RASA3: variants seen among roughly 807,000 people sequenced by gnomAD.
RASA3 encodes the protein ras GTPase-activating protein 3.
In RASA3, 73 loss-of-function variants were observed where a neutral mutation model predicts 110.0. The observed-to-expected ratio is 0.66, with a 90% CI of 0.55 to 0.81. The LOEUF (loss-of-function observed/expected upper bound fraction) is 0.81, where lower values mean the gene tolerates loss of function less well. RASA3 is among the 30% of genes least tolerant of loss of function. RASA3 has a pLI of 0.00. For missense variants in RASA3, 976 were observed against 1,113.2 expected, an observed-to-expected ratio of 0.88 and a Z score of 1.75; for synonymous variants, 500 against 451.4, an observed-to-expected ratio of 1.11 and a Z score of -1.37.
Position 114,057,150 on chromosome 13 carries a change from A to G in RASA3, c.174-4995T>C. ...TTGCATGTCTGATGTCGTTTATTCT[A>G]GTGGTTCCAATTGCCTATTTTAATG... On this transcript the variant is annotated intron_variant, in intron 2 of 23. Coordinates refer to ENST00000334062, the MANE Select transcript of RASA3 (RefSeq NM_007368.4). This position sits in a 1 kb window ranked among gnomAD's most constrained non-coding sequence, Gnocchi z 5.0. 1.1e-6 allele frequency: 1 copy of G among 940,236 alleles called. No homozygotes were observed. The highest frequency in any genetic ancestry group is 1.3e-6 in the Non-Finnish European group (1 of 788,814). The allele number at this position is 940,236 out of a possible 1,614,324, so 58.2% of individuals were successfully genotyped here. A position where few individuals can be genotyped will look rare whatever the true frequency, so the allele number is the denominator to read the frequency against.
intron 4 of RASA3, among the ~76,000 whole-genome samples, chr13:114,039,637 T>C (rs556218629): frequency 6.6e-6 from 1 of 152,322 alleles, no homozygotes; most frequent in South Asian, 2.1e-4. Context: ...GGGCTCAGGG[T>C]GACCCCACAG....
chr13:114,000,496 C>G (rs1022144015), intron 19 of RASA3, among the ~76,000 whole-genome samples: 1 of 152,184 alleles, frequency 6.6e-6, no homozygotes, highest in Non-Finnish European at 1.5e-5. Context: ...CCCCGTCTAC[C>G]TCGGCGGAGC....
At chr13:114,119,544 C>A (rs1263078024) in intron 1 of RASA3, among the ~76,000 whole-genome samples, 1 of 120,016 alleles carries the variant, frequency 8.3e-6, no homozygotes. Context: ...AGCCAGGCGT[C>A]GATCAGGGCC....
At chr13:114,095,789 G>A (rs186634547) in intron 1 of RASA3, among the ~76,000 whole-genome samples, 2 of 152,182 alleles carry the variant, frequency 1.3e-5, no homozygotes, top group Non-Finnish European at 2.9e-5. Context: ...TCTGTAAGCT[G>A]AGTGGCTGGG....
intron 1 of RASA3, among the ~76,000 whole-genome samples, chr13:114,090,946 G>GT (rs1480894997): frequency 2.0e-5 from 3 of 152,144 alleles, no homozygotes; most frequent in African/African-American, 7.2e-5. Context: ...ATATATGTAT[G>GT]TTTTTTGGTG....
chr13:114,025,577 G>A (rs2054011189), intron 7 of RASA3, among the ~76,000 whole-genome samples: 2 of 152,248 alleles, frequency 1.3e-5, no homozygotes, highest in African/African-American at 4.8e-5. Flanking sequence ...GGCCTGGTGT[G>A]GTGGCCTTGG....
chr13:114,038,956 G>T (rs924501374), intron 4 of RASA3, among the ~76,000 whole-genome samples: 5 of 152,328 alleles, frequency 3.3e-5, no homozygotes, highest in African/African-American at 9.6e-5. Context: ...CCAGCCTCCA[G>T]GTGTAAAAAT....
chr13:113,981,622 ATCTC>A, intron 23 of RASA3, 49 bp downstream of exon 23: 1 of 1,577,494 alleles, frequency 6.3e-7, no homozygotes, highest in Non-Finnish European at 8.7e-7. Context: ...CCCCACTGCA[ATCTC>A]CCGCCCACTA....
rs1452773154 is a variant in RASA3, at chr13:114,018,129, C to T, written c.1066G>A (p.Ala356Thr). The change falls in exon 11 of 24, where the codon GCC (alanine) becomes ACC (threonine). Residue 356 changes from alanine (A) to threonine (T), a missense_variant. By Grantham distance (58) the Ala-to-Thr change is moderately conservative. Around this residue, in one of 4 missense-constraint regions of RASA3, gnomAD observed 732 missense variants for 779.7 expected, o/e 0.94. Transcript: ENST00000334062. ...GRVVPFISAI[A>T]SAEVKRTQDP... is the part of the protein sequence containing the mutation. ...TGGGTCCGCTTCACCTCCGCGCTGGCGATGGCACTGATGAATGGCACCACC... is the reference window on the plus strand; with the variant it reads ...TGGGTCCGCTTCACCTCCGCGCTGGTGATGGCACTGATGAATGGCACCACC... 3 of 1,549,246 alleles carry T rather than the reference C, an allele frequency of 1.9e-6. No individual in the cohort carries two copies. The highest frequency in any genetic ancestry group is 2.0e-5 in the Admixed American group (1 of 50,914).
chr13:114,088,835 C>A (rs1258953281), intron 1 of RASA3, among the ~76,000 whole-genome samples: 2 of 152,220 alleles, frequency 1.3e-5, no homozygotes, highest in Admixed American at 6.5e-5. Context: ...CAGGCGTGAG[C>A]CACTGTGCCT....
rs766629545 is a variant in RASA3, at chr13:114,015,366, G to A, written c.1282-34C>T. ...GGACACGGCACTGGGACCCACTCCC[G>A]AGGCTGCCCACAGGTGCGTGTAGCA... is the stretch of plus-strand genomic sequence containing the variant. On this transcript the variant is annotated intron_variant, in intron 13 of 23. Coordinates refer to ENST00000334062, the MANE Select transcript of RASA3 (RefSeq NM_007368.4). 25 of 1,609,404 alleles carry A rather than the reference G, an allele frequency of 1.6e-5. No individual in the cohort carries two copies. The Admixed American group carries it at 3.2e-4, about 20-fold the overall frequency.
rs1566530170 is a variant in RASA3, at chr13:114,052,165, C to G, written c.174-10G>C. 6.3e-7 allele frequency: 1 copy of G among 1,589,832 alleles called. No individual in the cohort carries two copies. The highest frequency in any genetic ancestry group is 8.6e-7 in the Non-Finnish European group (1 of 1,159,786). On this transcript the variant is annotated splice_polypyrimidine_tract_variant and intron_variant, in intron 2 of 23. Transcript: ENST00000334062. Reference sequence around the variant, plus strand: ...TTCTCCGTAAAACGGGCTAGTGAGACAAAGAAAAGCGCCAGTTAGAACACA... The same window carrying G: ...TTCTCCGTAAAACGGGCTAGTGAGAGAAAGAAAAGCGCCAGTTAGAACACA...
At chr13:114,055,039 T>A (rs1029108108) in intron 2 of RASA3, among the ~76,000 whole-genome samples, 1 of 151,916 alleles carries the variant, frequency 6.6e-6, no homozygotes, top group African/African-American at 2.4e-5. Flanking sequence ...TGTGGGTGTG[T>A]GCATGCATGT....
At chr13:114,003,124 G>A (rs2053440986) in intron 18 of RASA3, among the ~76,000 whole-genome samples, 1 of 152,232 alleles carries the variant, frequency 6.6e-6, no homozygotes, top group African/African-American at 2.4e-5. Flanking sequence ...GCCCATGCTT[G>A]CACAACCGAG....
intron 1 of RASA3, among the ~76,000 whole-genome samples, chr13:114,116,428 G>A (rs928132940): frequency 1.3e-5 from 2 of 151,948 alleles, no homozygotes; most frequent in East Asian, 3.8e-4. Flanking sequence ...AGGACAGACC[G>A]CTGTTCCAAG....
At chr13:114,040,589 C>T (rs568098813) in intron 4 of RASA3, among the ~76,000 whole-genome samples, 8 of 135,510 alleles carry the variant, frequency 5.9e-5, no homozygotes, top group South Asian at 2.4e-4. Flanking sequence ...AAATCCATGG[C>T]GGAGCCCGCG....
chr13:114,079,341 C>G (rs1159627111), intron 1 of RASA3, among the ~76,000 whole-genome samples: 1 of 152,208 alleles, frequency 6.6e-6, no homozygotes, highest in Non-Finnish European at 1.5e-5. Context: ...CGAAAGCAAC[C>G]CCGTCCCAGC....
chr13:114,066,783 C>T (rs759950952), intron 2 of RASA3, among the ~76,000 whole-genome samples: 15 of 152,224 alleles, frequency 9.9e-5, no homozygotes, highest in African/African-American at 1.7e-4. Flanking sequence ...GATGCTGGGC[C>T]GGGCTTGGGG....
intron 18 of RASA3, among the ~76,000 whole-genome samples, chr13:114,003,347 C>T (rs898284048): frequency 1.3e-5 from 2 of 152,180 alleles, no homozygotes; most frequent in African/African-American, 2.4e-5. Flanking sequence ...TGGGAGGCGC[C>T]TGTCCTTGAA....
Sources: allele counts gnomAD v4.1 joint callset (sites outside exome capture counted in the v4.1 genomes callset), GRCh38; gene constraint gnomAD v4.1.1; regional missense constraint gnomAD v4.1.1; non-coding constraint Gnocchi (gnomAD v3.1); transcripts MANE v1.5; gene names NCBI Gene and HGNC (gene_info 2026-07-23, HGNC 2026-07-21).